The following SLC39A10 variants were observed in gnomAD, a reference collection of about 807,000 sequenced individuals.
The protein encoded by SLC39A10 is zinc transporter ZIP10.
A neutral mutation model predicts 65.1 loss-of-function variants in SLC39A10; 13 were observed. That is an observed-to-expected ratio of 0.20 (90% CI 0.13 to 0.32). The LOEUF is 0.32. SLC39A10 is among the 10% of genes least tolerant of loss of function. The pLI, the probability that SLC39A10 is intolerant of heterozygous loss-of-function variation, is 1.00. For missense variants in SLC39A10, 831 were observed against 1,018.4 expected (o/e 0.82, Z 2.50); for synonymous variants, 321 against 342.2 (o/e 0.94, Z 0.68).
At chr2:195,726,317 T>C (rs1457561026) in intron 8 of SLC39A10, among the ~76,000 whole-genome samples, 1 of 152,200 alleles carries the variant, frequency 6.6e-6, no homozygotes, top group Non-Finnish European at 1.5e-5. Flanking sequence ...AAGACACTTC[T>C]GTAGTCTCAG....
At chr2:195,644,664 G>A (rs915549499) in intron 2 of SLC39A10, among the ~76,000 whole-genome samples, 12 of 151,576 alleles carry the variant, frequency 7.9e-5, no homozygotes, top group African/African-American at 1.9e-4. Context: ...AAATAGCTGC[G>A]TGTGGTGACA....
At chr2:195,660,754 C>G (rs1013561948) in intron 1 of SLC39A10, among the ~76,000 whole-genome samples, 2 of 152,040 alleles carry the variant, frequency 1.3e-5, no homozygotes, top group African/African-American at 2.4e-5. Context: ...GTTTTCAAAG[C>G]GGGAAGTTAG....
chr2:195,718,101 T>C, intron 7 of SLC39A10, 151 bp from the exon 8 acceptor site: 1 of 509,314 alleles, frequency 2.0e-6, no homozygotes, highest in Non-Finnish European at 3.5e-6. Context: ...CTCCACTATA[T>C]GTTCAAAAAC....
At chr2:195,658,603 G>A (rs910123878) in intron 1 of SLC39A10, 1 of 152,178 alleles carries the variant, frequency 6.6e-6, no homozygotes, top group African/African-American at 2.4e-5. Flanking sequence ...TGGAAAAGCT[G>A]GAGATGTAGA....
Position 195,728,114 on chromosome 2 carries a change from T to C in SLC39A10, c.2147-45T>C. ...GTTTTCTCCTTTCAGATTTGTGTTT[T>C]AAATCCTGTGGTTTTAAAACATTCC... On this transcript the variant is annotated intron_variant, in intron 8 of 9. Transcript: ENST00000359634. The surrounding 1 kb of genome is among the most constrained non-coding windows in gnomAD (Gnocchi z 4.4). 1.9e-6 allele frequency: 3 copies of C among 1,549,240 alleles called. No homozygotes were observed. The highest frequency in any genetic ancestry group is 2.4e-5 in the South Asian group (2 of 83,080).
rs1174914632 is a variant in SLC39A10, at chr2:195,696,473, A to G, written c.1217-10143A>G. ...GATTCAACCAACCCAAGGACCAAAA[A>G]TATTTGGGGAAAATATAAAAATAAT... On this transcript the variant is annotated intron_variant, in intron 3 of 9. Transcript: ENST00000359634. Among the ~76,000 whole-genome samples, 5 of 152,312 alleles carry G rather than the reference A, an allele frequency of 3.3e-5. No homozygotes were observed. In the South Asian group the frequency reaches 8.3e-4, roughly 25 times the overall value.
intron 3 of SLC39A10, among the ~76,000 whole-genome samples, chr2:195,687,376 G>A (rs1348438326): frequency 2.0e-5 from 3 of 151,908 alleles, no homozygotes; most frequent in African/African-American, 7.3e-5. Context: ...TGTTACCTGT[G>A]GATTATGACT....
rs1692681075 is a variant in SLC39A10, at chr2:195,737,421, TA to T, written c.*2381del. On this transcript the variant is annotated 3_prime_UTR_variant, in exon 10 of 10. Coordinates refer to ENST00000359634, the MANE Select transcript of SLC39A10 (RefSeq NM_020342.3). ...AATCAATCAGCTGTGATTGATTGATTATGCTTAGAAATACTATAGTAACTAG... is the reference window on the plus strand; with the variant it reads ...AATCAATCAGCTGTGATTGATTGATTTGCTTAGAAATACTATAGTAACTAG... 1 of 156,192 alleles carries T rather than the reference TA, an allele frequency of 6.4e-6. No individual in the cohort carries two copies. Among genetic ancestry groups the T allele is most frequent in the African/African-American group, 2.4e-5 (1 of 41,210 alleles). The allele number at this position is 156,192 out of a possible 1,614,324, so 9.7% of individuals were successfully genotyped here. A position where few individuals can be genotyped will look rare whatever the true frequency, so the allele number is the denominator to read the frequency against.
chr2:195,618,589 T>C (rs575580674), intron 2 of SLC39A10, among the ~76,000 whole-genome samples: 2 of 152,320 alleles, frequency 1.3e-5, no homozygotes, highest in East Asian at 3.9e-4. Flanking sequence ...ATGGCACTTT[T>C]CCTTACAATA....
chr2:195,613,603 CTAA>C (rs1305282028), intron 2 of SLC39A10, among the ~76,000 whole-genome samples: 1 of 151,978 alleles, frequency 6.6e-6, no homozygotes, highest in Non-Finnish European at 1.5e-5. Flanking sequence ...ATAAAAATAC[CTAA>C]TGTGTTTTAG....
At chr2:195,624,532 G>A (rs1292481391) in intron 2 of SLC39A10, among the ~76,000 whole-genome samples, 1 of 151,968 alleles carries the variant, frequency 6.6e-6, no homozygotes, top group Non-Finnish European at 1.5e-5. Flanking sequence ...TACAAGATAC[G>A]GTGATTGTCC....
chr2:195,713,593 T>A, intron 6 of SLC39A10, 40 bp downstream of exon 6: 1 of 1,546,076 alleles, frequency 6.5e-7, no homozygotes, highest in South Asian at 1.3e-5. Flanking sequence ...TTTTTTCTTT[T>A]TTTTTTTTCA....
chr2:195,637,551 CAAACAATA>C (rs1688718818), intron 2 of SLC39A10, among the ~76,000 whole-genome samples: 1 of 152,152 alleles, frequency 6.6e-6, no homozygotes, highest in Admixed American at 6.5e-5. Flanking sequence ...GAAATACAGT[CAAACAATA>C]TTTGTATGAG....
chr2:195,673,903 T>G lies in SLC39A10; in HGVS notation c.-11-6129T>G, dbSNP rs897843407. Among the ~76,000 whole-genome samples, 4 of 152,360 alleles carry G rather than the reference T, an allele frequency of 2.6e-5. No homozygotes were observed. In the East Asian group the frequency reaches 7.7e-4, roughly 29 times the overall value. On this transcript the variant is annotated intron_variant, in intron 1 of 9. Coordinates refer to ENST00000359634, the MANE Select transcript of SLC39A10 (RefSeq NM_020342.3). Reference sequence around the variant, plus strand: ...ATTGCATTAGATCCCTTTCCCTTTTTTAAAGAAATAACACACTGCAAATGC... The same window carrying G: ...ATTGCATTAGATCCCTTTCCCTTTTGTAAAGAAATAACACACTGCAAATGC...
chr2:195,661,302 T>C (rs1180978636), intron 1 of SLC39A10, among the ~76,000 whole-genome samples: 2 of 152,158 alleles, frequency 1.3e-5, no homozygotes, highest in Non-Finnish European at 1.5e-5. Flanking sequence ...TTTAGCTTTT[T>C]CTAAAATATC....
At chr2:195,671,685 G>T (rs1250398463) in intron 1 of SLC39A10, 1 of 152,186 alleles carries the variant, frequency 6.6e-6, no homozygotes, top group Non-Finnish European at 1.5e-5. Context: ...CGATGGAAAA[G>T]ATTGTTAACA....
At chr2:195,644,085 G>C (rs1044872170) in intron 2 of SLC39A10, among the ~76,000 whole-genome samples, 6 of 151,722 alleles carry the variant, frequency 4.0e-5, no homozygotes, top group African/African-American at 1.5e-4. Flanking sequence ...ATAAACAGGC[G>C]TATTAGAGCT....
At chr2:195,646,142 T>C (rs6434791) in intron 2 of SLC39A10, among the ~76,000 whole-genome samples, 151,441 of 152,272 alleles carry the variant, frequency 0.99, 75,309 homozygotes, top group Middle Eastern at 1. Context: ...GATGGGATTT[T>C]GCCGTGTTGC....
Position 195,736,702 on chromosome 2 carries a change from A to AAAT in SLC39A10, c.*1662_*1664dup, listed in dbSNP as rs1430015514. On this transcript the variant is annotated 3_prime_UTR_variant, in exon 10 of 10. Transcript: ENST00000359634. The stretch of plus-strand genomic sequence containing the variant: ...TCTTTAATTTATGCTTGAATCTGAA[A>AAAT]AATTATTTCTGACTTACTCCATGGC... 6.6e-6 allele frequency: 1 copy of AAAT among 152,266 alleles called. No individual in the cohort carries two copies. Among genetic ancestry groups the AAAT allele is most frequent in the Non-Finnish European group, 1.5e-5 (1 of 68,034 alleles). 9.4% of individuals were successfully genotyped at this position (152,266 alleles called of 1,614,324 possible).
Sources: gnomAD v4.1 joint callset for allele counts (sites outside exome capture counted in the v4.1 genomes callset) on GRCh38, gnomAD v4.1.1 for gene constraint, Gnocchi (gnomAD v3.1) non-coding constraint, MANE v1.5 for transcripts, NCBI Gene and HGNC (gene_info 2026-07-23, HGNC 2026-07-21) for gene names.